RGPD8: variants seen among roughly 807,000 people sequenced by gnomAD.
RGPD8 encodes the protein RANBP2 like and GRIP domain containing 8.
RGPD8 carries 15 observed loss-of-function variants against 89.1 expected under a neutral mutation model. The observed-to-expected ratio is 0.17, with a 90% CI of 0.11 to 0.26. The LOEUF (loss-of-function observed/expected upper bound fraction) is 0.26. RGPD8 is among the 10% of genes least tolerant of loss of function. The probability of loss-of-function intolerance (pLI) is 1.00; values close to 1 mark genes in which losing one functional copy is unlikely to be tolerated. For synonymous variants in RGPD8, 62 were observed against 420.9 expected (o/e 0.15, Z 10.44); for missense variants, 178 against 1,179.6 (o/e 0.15, Z 12.44).
At chr2:112,413,183 C>T (rs1344325540) in intron 6 of RGPD8, among the ~76,000 whole-genome samples, 3 of 144,120 alleles carry the variant, frequency 2.1e-5, no homozygotes, top group Non-Finnish European at 4.5e-5. Flanking sequence ...TGCAATGGCA[C>T]GATCTAAGCT....
intron 18 of RGPD8, among the ~76,000 whole-genome samples, chr2:112,391,282 G>C: frequency 6.8e-6 from 1 of 146,784 alleles, no homozygotes; most frequent in Non-Finnish European, 1.5e-5. Context: ...AAGAATGAGA[G>C]AATAGCATCG....
intron 6 of RGPD8, among the ~76,000 whole-genome samples, chr2:112,415,099 GT>G (rs1381013509): frequency 1.4e-5 from 2 of 147,668 alleles, no homozygotes; most frequent in African/African-American, 5.3e-5. Flanking sequence ...CTAGCCAGGT[GT>G]GGGCTGGGCG....
rs1394253657 is a variant in RGPD8, at chr2:112,408,864, G to A, written c.979-2480C>T. Among the ~76,000 whole-genome samples the A allele has an allele frequency of 2.0e-5, 3 of 151,920 alleles. No individual in the cohort carries two copies. In the South Asian group the frequency reaches 6.2e-4, roughly 32 times the overall value. On this transcript the variant is annotated intron_variant, in intron 7 of 22. Transcript: ENST00000302558. ...TTTTTGTATTTTTAGTAGAGATGGG[G>A]TTTGACCATGTTGGTCAGGATGGTC...
chr2:112,429,632 A>T (rs1337479061), intron 1 of RGPD8, among the ~76,000 whole-genome samples: 1 of 152,056 alleles, frequency 6.6e-6, no homozygotes, highest in Non-Finnish European at 1.5e-5. Context: ...CAAAAATTTG[A>T]TGAGCAACAC....
intron 1 of RGPD8, among the ~76,000 whole-genome samples, chr2:112,431,132 C>A (rs1229346326): frequency 1.3e-5 from 2 of 152,158 alleles, no homozygotes; most frequent in East Asian, 3.9e-4. Flanking sequence ...GGTGGGTACA[C>A]CTGTGGTCCC....
Position 112,410,943 on chromosome 2 carries a change from G to A in RGPD8, c.978+1488C>T, listed in dbSNP as rs1470565268. On this transcript the variant is annotated intron_variant, in intron 7 of 22. Transcript: ENST00000302558. Reference sequence around the variant, plus strand: ...TCTACTAAAAACACAAAATTAGATGGGCGTGGTGGCGTGTGCCTGTAATCC... The same window carrying A: ...TCTACTAAAAACACAAAATTAGATGAGCGTGGTGGCGTGTGCCTGTAATCC... Among the ~76,000 whole-genome samples, 6 of 152,242 alleles carry A rather than the reference G, an allele frequency of 3.9e-5. No individual in the cohort carries two copies. The East Asian group carries it at 1.2e-3, about 29-fold the overall frequency.
chr2:112,425,328 A>G (rs1382258173), intron 1 of RGPD8, among the ~76,000 whole-genome samples: 1 of 150,002 alleles, frequency 6.7e-6, no homozygotes, highest in Admixed American at 6.6e-5. Flanking sequence ...GGGTCCATGT[A>G]CTGTTCTCTC....
chr2:112,429,107 G>A (rs1159843922), intron 1 of RGPD8, among the ~76,000 whole-genome samples: 4 of 151,686 alleles, frequency 2.6e-5, no homozygotes, highest in Non-Finnish European at 4.4e-5. Flanking sequence ...TTTTGGAGGA[G>A]CATAATAGCC....
At chr2:112,431,170 A>G (rs2104410094) in intron 1 of RGPD8, among the ~76,000 whole-genome samples, 1 of 152,282 alleles carries the variant, frequency 6.6e-6, no homozygotes, top group Non-Finnish European at 1.5e-5. Flanking sequence ...AGGTGGGAGG[A>G]TCGCTTGAGC....
chr2:112,381,890 T>C (rs1678314051), intron 20 of RGPD8, among the ~76,000 whole-genome samples: 1 of 152,302 alleles, frequency 6.6e-6, no homozygotes, highest in South Asian at 2.1e-4. Flanking sequence ...AGTGTGATGG[T>C]TAATACTGGG....
chr2:112,396,172 ATCTC>A (rs1352225627), intron 17 of RGPD8, among the ~76,000 whole-genome samples: 1 of 94,412 alleles, frequency 1.1e-5, no homozygotes, highest in African/African-American at 4.0e-5. Flanking sequence ...GTCCAAAACT[ATCTC>A]AATTTTCAAG....
rs1287065215 is a variant in RGPD8 at position 112,373,421 on chromosome 2, T to C, written c.5264-3209A>G. 5.9e-5 allele frequency among the ~76,000 whole-genome samples: 9 copies of C among 152,416 alleles called. No homozygotes were observed. The East Asian group carries it at 9.6e-4, about 16-fold the overall frequency. On this transcript the variant is annotated intron_variant, in intron 22 of 22. Coordinates refer to ENST00000302558, the MANE Select transcript of RGPD8 (RefSeq NM_001164463.1). ...AAGATTTTGATGCTGCTTTTCAGAG[T>C]TGGGTAACCTACTTTACCCCCCTAA...
chr2:112,371,038 T>G (rs1430327645), intron 22 of RGPD8, among the ~76,000 whole-genome samples: 2 of 151,228 alleles, frequency 1.3e-5, no homozygotes, highest in Non-Finnish European at 2.9e-5. Flanking sequence ...CTAAATATTG[T>G]TGACGATAAG....
rs1182013225 is a variant in RGPD8 at position 112,433,335 on chromosome 2, G to A, written c.72+47C>T. The A allele has an allele frequency of 7.2e-6, 10 of 1,390,190 alleles. 1 individual carries two copies. The highest frequency in any genetic ancestry group is 4.5e-5 in the Admixed American group (2 of 44,868). 86.1% of individuals were successfully genotyped at this position (1,390,190 alleles called of 1,614,324 possible). ...GCCGCCGGGCCGGGTCGAGGCCGCCGCCGCCCGGCCGGGTCGAGGCCGCCG... is the reference window on the plus strand; with the variant it reads ...GCCGCCGGGCCGGGTCGAGGCCGCCACCGCCCGGCCGGGTCGAGGCCGCCG... On this transcript the variant is annotated intron_variant, in intron 1 of 22. Transcript: ENST00000302558.
intron 8 of RGPD8, among the ~76,000 whole-genome samples, chr2:112,405,228 CA>C (rs1678996473): frequency 7.1e-6 from 1 of 140,546 alleles, no homozygotes; most frequent in African/African-American, 2.6e-5. Context: ...ACTCTATGAA[CA>C]TAGTAAAAGC....
At chr2:112,374,760 A>G (rs1678067132) in intron 22 of RGPD8, among the ~76,000 whole-genome samples, 1 of 138,024 alleles carries the variant, frequency 7.2e-6, no homozygotes, top group Non-Finnish European at 1.6e-5. Flanking sequence ...AACTTCGATT[A>G]GTAAAAACAT....
chr2:112,415,676 G>A (rs1357877012), intron 6 of RGPD8, among the ~76,000 whole-genome samples: 1 of 149,388 alleles, frequency 6.7e-6, no homozygotes, highest in Non-Finnish European at 1.5e-5. Context: ...TTGTGCCACT[G>A]TACTCCAGGC....
intron 21 of RGPD8, among the ~76,000 whole-genome samples, chr2:112,379,538 T>C (rs1678209547): frequency 6.8e-6 from 1 of 147,702 alleles, no homozygotes; most frequent in Non-Finnish European, 1.5e-5. Context: ...GAGATTGCAG[T>C]GAGCTGAGAT....
intron 6 of RGPD8, among the ~76,000 whole-genome samples, chr2:112,414,925 C>A (rs1679324200): frequency 8.3e-6 from 1 of 121,152 alleles, no homozygotes; most frequent in Admixed American, 8.1e-5. Flanking sequence ...GAGGCTGAGG[C>A]AGGAGAATGG....
Sources: gnomAD v4.1 joint callset for allele counts (sites outside exome capture counted in the v4.1 genomes callset) on GRCh38, gnomAD v4.1.1 for gene constraint, MANE v1.5 for transcripts, NCBI Gene and HGNC (gene_info 2026-07-23, HGNC 2026-07-21) for gene names.